Variants in ASTN2 observed in about 807,000 individuals in gnomAD.
ASTN2 encodes astrotactin-2.
A neutral mutation model predicts 139.8 loss-of-function variants in ASTN2; 54 were observed. The ratio of observed to expected loss-of-function variants is 0.39; its 90% confidence interval spans 0.31 to 0.48. ASTN2 has a LOEUF of 0.48. ASTN2 is among the 20% of genes least tolerant of loss of function. The pLI, the probability that ASTN2 is intolerant of heterozygous loss-of-function variation, is 0.95. For missense variants in ASTN2, 1,565 were observed against 1,725.1 expected, an observed-to-expected ratio of 0.91 and a Z score of 1.64; for synonymous variants, 756 against 719.5, an observed-to-expected ratio of 1.05 and a Z score of -0.81.
intron 20 of ASTN2, among the ~76,000 whole-genome samples, chr9:116,444,659 C>CA (rs1049699788): frequency 1.4e-4 from 22 of 152,052 alleles, no homozygotes; most frequent in African/African-American, 4.8e-4. Flanking sequence ...CTTCTTGGTA[C>CA]AAAGGAAGCA....
At chr9:117,166,664 G>C (rs1830677044) in intron 3 of ASTN2, among the ~76,000 whole-genome samples, 1 of 152,066 alleles carries the variant, frequency 6.6e-6, no homozygotes, top group East Asian at 1.9e-4. Flanking sequence ...TCAGATCTCT[G>C]ATTAGCTCTC....
chr9:117,242,773 G>T (rs774086558), intron 2 of ASTN2, among the ~76,000 whole-genome samples: 2 of 152,168 alleles, frequency 1.3e-5, no homozygotes, highest in Non-Finnish European at 2.9e-5. Flanking sequence ...GGTCCCCACT[G>T]GTGTGTGGAA....
intron 13 of ASTN2, among the ~76,000 whole-genome samples, chr9:116,738,575 C>G (rs1048668682): frequency 6.6e-6 from 1 of 152,034 alleles, no homozygotes; most frequent in Non-Finnish European, 1.5e-5. Context: ...ACTTATCTAT[C>G]TAATCAAAAA....
chr9:117,012,652 C>T (rs1245556585), intron 6 of ASTN2, among the ~76,000 whole-genome samples: 1 of 152,134 alleles, frequency 6.6e-6, no homozygotes, highest in African/African-American at 2.4e-5. Context: ...CAAAGAGGAA[C>T]ATTGAAGAGT....
At position 116,598,839 on chromosome 9, in the gene ASTN2, T is replaced by C. The variant is rs145428369; in HGVS notation, c.3355+19485A>G. On this transcript the variant is annotated intron_variant, in intron 19 of 22. Coordinates refer to ENST00000313400, the MANE Select transcript of ASTN2 (RefSeq NM_001365068.1). ...GAACCTTCACAGAGGTGAAGATACC[T>C]TCACAGAGCTAGGAGTCTTGTGGGG... Among the ~76,000 whole-genome samples, 959 of 152,328 alleles carry C rather than the reference T, an allele frequency of 6.3e-3. 14 individuals are homozygous for C. The highest frequency in any genetic ancestry group is 0.022 in the African/African-American group (898 of 41,580).
intron 3 of ASTN2, among the ~76,000 whole-genome samples, chr9:117,164,886 T>G (rs1443044096): frequency 6.6e-6 from 1 of 152,104 alleles, no homozygotes; most frequent in African/African-American, 2.4e-5. Context: ...CTGTACTAAG[T>G]GCATGGATGG....
chr9:116,445,394 A>C (rs1847956910), intron 20 of ASTN2, among the ~76,000 whole-genome samples: 2 of 152,238 alleles, frequency 1.3e-5, no homozygotes, highest in Admixed American at 1.3e-4. Context: ...ATTTCAACCA[A>C]GGGAAACATG....
intron 10 of ASTN2, among the ~76,000 whole-genome samples, chr9:116,937,060 G>A (rs1228999313): frequency 6.6e-6 from 1 of 151,634 alleles, no homozygotes. Context: ...ACTTATGAGA[G>A]GATCCTGGGC....
chr9:116,720,681 C>T (rs920604404), intron 16 of ASTN2, among the ~76,000 whole-genome samples: 2 of 151,986 alleles, frequency 1.3e-5, no homozygotes, highest in African/African-American at 4.8e-5. Flanking sequence ...ACATCTGTCA[C>T]CTTCCATAGT....
intron 16 of ASTN2, among the ~76,000 whole-genome samples, chr9:116,685,660 T>C (rs1860157913): frequency 6.6e-6 from 1 of 152,206 alleles, no homozygotes; most frequent in Non-Finnish European, 1.5e-5. Context: ...AAAAATTGAG[T>C]GCATTTCCTA....
intron 19 of ASTN2, among the ~76,000 whole-genome samples, chr9:116,574,609 A>G (rs563367448): frequency 1.3e-5 from 2 of 152,384 alleles, no homozygotes; most frequent in African/African-American, 4.8e-5. Context: ...TTGGGAAGGC[A>G]GAGAAAGACA....
intron 10 of ASTN2, among the ~76,000 whole-genome samples, chr9:116,971,225 A>G (rs1265638309): frequency 6.6e-6 from 1 of 152,168 alleles, no homozygotes; most frequent in Non-Finnish European, 1.5e-5. Context: ...TAGTGTCTCA[A>G]ATGCTAAAAT....
At chr9:116,861,958 A>G (rs576411518) in intron 11 of ASTN2, among the ~76,000 whole-genome samples, 1 of 142,648 alleles carries the variant, frequency 7.0e-6, no homozygotes, top group Non-Finnish European at 1.5e-5. Flanking sequence ...ACTTAAGCCA[A>G]TGCATTTCCT....
At chr9:116,803,496 A>ATATATC (rs1317192856) in intron 13 of ASTN2, among the ~76,000 whole-genome samples, 2 of 67,416 alleles carry the variant, frequency 3.0e-5, no homozygotes, top group African/African-American at 4.4e-5. Flanking sequence ...ATATATATAT[A>ATATATC]TATATATATA....
chr9:117,030,796 C>G (rs553252287), intron 6 of ASTN2, among the ~76,000 whole-genome samples: 1 of 151,484 alleles, frequency 6.6e-6, no homozygotes, highest in Admixed American at 6.6e-5. Flanking sequence ...GGGGTATCCA[C>G]AGCTCCCAGC....
chr9:116,476,433 A>T (rs1183561912), intron 20 of ASTN2, among the ~76,000 whole-genome samples: 2 of 152,164 alleles, frequency 1.3e-5, no homozygotes, highest in Non-Finnish European at 2.9e-5. Context: ...CTTGCAGCGG[A>T]GGGTTCCCCT....
At chr9:116,581,410 C>G (rs1853946638) in intron 19 of ASTN2, among the ~76,000 whole-genome samples, 1 of 152,146 alleles carries the variant, frequency 6.6e-6, no homozygotes. Context: ...TGCCCCAGTT[C>G]CCGTAGTCAT....
intron 12 of ASTN2, among the ~76,000 whole-genome samples, chr9:116,817,304 A>G (rs907267531): frequency 8.8e-6 from 1 of 113,394 alleles, no homozygotes; most frequent in Admixed American, 1.0e-4. Context: ...AAAAAAAAAA[A>G]AAGAAGAAAG....
At chr9:117,377,011 C>G (rs563577047) in intron 1 of ASTN2, among the ~76,000 whole-genome samples, 1 of 152,200 alleles carries the variant, frequency 6.6e-6, no homozygotes, top group Non-Finnish European at 1.5e-5. Flanking sequence ...GGCAGACAAA[C>G]GAAGGAAGGC....
Sources: gnomAD v4.1 joint callset for allele counts (sites outside exome capture counted in the v4.1 genomes callset) on GRCh38, gnomAD v4.1.1 for gene constraint, MANE v1.5 for transcripts, NCBI Gene and HGNC (gene_info 2026-07-23, HGNC 2026-07-21) for gene names.